The following PLXDC2 variants were observed in gnomAD, a reference collection of about 807,000 sequenced individuals.
PLXDC2 encodes plexin domain-containing protein 2.
In PLXDC2, 40 loss-of-function variants were observed where a neutral mutation model predicts 68.9. The observed-to-expected ratio is 0.58, with a 90% CI of 0.45 to 0.76. PLXDC2 has a LOEUF of 0.76. PLXDC2 is among the 30% of genes least tolerant of loss of function. PLXDC2 has a pLI of 0.00. For missense variants in PLXDC2, 644 were observed against 661.9 expected (o/e 0.97, Z 0.30); for synonymous variants, 243 against 234.2 (o/e 1.04, Z -0.34).
chr10:20,060,950 A>T (rs1487524689), intron 3 of PLXDC2, among the ~76,000 whole-genome samples: 1 of 152,148 alleles, frequency 6.6e-6, no homozygotes, highest in African/African-American at 2.4e-5. Context: ...CTTAGCTCCA[A>T]TGCCTACTGG....
intron 1 of PLXDC2, among the ~76,000 whole-genome samples, chr10:19,977,209 G>GTC (rs1834472024): frequency 6.6e-6 from 1 of 152,170 alleles, no homozygotes; most frequent in Non-Finnish European, 1.5e-5. Flanking sequence ...ATCCAACCAG[G>GTC]TCTTTTTATC....
intron 1 of PLXDC2, among the ~76,000 whole-genome samples, chr10:19,922,474 T>C (rs1833475603): frequency 6.6e-6 from 1 of 152,136 alleles, no homozygotes; most frequent in South Asian, 2.1e-4. Flanking sequence ...GTGTTGGAGG[T>C]GAGGCTTCCT....
At chr10:19,989,942 G>T (rs1025746907) in intron 1 of PLXDC2, among the ~76,000 whole-genome samples, 2 of 151,886 alleles carry the variant, frequency 1.3e-5, no homozygotes, top group African/African-American at 2.4e-5. Flanking sequence ...TAGTGAGGAG[G>T]TTTTGCCATG....
intron 9 of PLXDC2, among the ~76,000 whole-genome samples, chr10:20,186,453 G>A (rs1285821702): frequency 6.6e-6 from 1 of 151,794 alleles, no homozygotes. Context: ...ACACATGCAG[G>A]CTTGTTATAT....
chr10:20,123,365 G>A (rs1412356969), intron 4 of PLXDC2, among the ~76,000 whole-genome samples: 1 of 152,080 alleles, frequency 6.6e-6, no homozygotes, highest in African/African-American at 2.4e-5. Flanking sequence ...AGACTAGAGA[G>A]GGACCGATGT....
intron 4 of PLXDC2, among the ~76,000 whole-genome samples, chr10:20,118,111 CACACACACACACACACACACACACACAG>C (rs1456776664): frequency 3.9e-5 from 1 of 25,890 alleles, no homozygotes; most frequent in Non-Finnish European, 3.1e-4. Flanking sequence ...TGCCTACACA[CACACACACACACACACACACACACACAG>C]ACACACACAC....
In PLXDC2 at chr10:20,286,308, A is replaced by C. The variant is rs1836152068; in HGVS notation, c.*6489A>C. 6.6e-6 allele frequency: 1 copy of C among 152,158 alleles called. No homozygotes were observed. Among genetic ancestry groups the C allele is most frequent in the African/African-American group, 2.4e-5 (1 of 41,444 alleles). 9.4% of individuals were successfully genotyped at this position (152,158 alleles called of 1,614,324 possible). A position where few individuals can be genotyped will look rare whatever the true frequency, so the allele number is the denominator to read the frequency against. On this transcript the variant is annotated 3_prime_UTR_variant, in exon 14 of 14. Coordinates refer to ENST00000377252, the MANE Select transcript of PLXDC2 (RefSeq NM_032812.9). ...CATAAACTAGTACTCAGCTTTTCCT[A>C]GTTTCTAAGGCTTATTAACATTTGC...
intron 1 of PLXDC2, among the ~76,000 whole-genome samples, chr10:19,900,320 T>C (rs890719253): frequency 6.6e-6 from 1 of 152,160 alleles, no homozygotes; most frequent in African/African-American, 2.4e-5. Context: ...GCCACCTCTT[T>C]TAAACAATCA....
At chr10:19,842,024 C>G (rs1836919329) in intron 1 of PLXDC2, among the ~76,000 whole-genome samples, 1 of 152,046 alleles carries the variant, frequency 6.6e-6, no homozygotes, top group South Asian at 2.1e-4. Context: ...GCCTATAATA[C>G]TAGCATTTAG....
intron 1 of PLXDC2, among the ~76,000 whole-genome samples, chr10:19,974,208 A>T (rs777994708): frequency 6.6e-6 from 1 of 152,210 alleles, no homozygotes; most frequent in Non-Finnish European, 1.5e-5. Context: ...TTTAAGTAGG[A>T]TTACTTATGT....
At chr10:19,996,156 T>G (rs1430770071) in intron 1 of PLXDC2, among the ~76,000 whole-genome samples, 6 of 152,096 alleles carry the variant, frequency 3.9e-5, no homozygotes, top group African/African-American at 1.4e-4. Context: ...TAAGACTAGA[T>G]AGGGCTGGGC....
intron 2 of PLXDC2, among the ~76,000 whole-genome samples, chr10:20,042,715 C>G (rs1199490976): frequency 6.6e-6 from 1 of 152,148 alleles, no homozygotes; most frequent in African/African-American, 2.4e-5. Context: ...CACACCCATG[C>G]TAGAAAAGAA....
At chr10:20,152,071 T>A (rs1372696452) in intron 6 of PLXDC2, among the ~76,000 whole-genome samples, 1 of 152,120 alleles carries the variant, frequency 6.6e-6, no homozygotes, top group African/African-American at 2.4e-5. Flanking sequence ...ATCTTAGTAT[T>A]TAAATGTGCC....
At chr10:19,841,185 G>T (rs921079581) in intron 1 of PLXDC2, among the ~76,000 whole-genome samples, 1 of 152,142 alleles carries the variant, frequency 6.6e-6, no homozygotes, top group Non-Finnish European at 1.5e-5. Flanking sequence ...TATTTTCACA[G>T]ATGGAGGCTT....
In PLXDC2 at chr10:20,250,161, G is replaced by A. The variant is rs181750007; in HGVS notation, c.1473+4656G>A. On this transcript the variant is annotated intron_variant, in intron 13 of 13. Transcript: ENST00000377252. ...TACGTGCCTGTAATCCCAGGTACTC[G>A]GGAGGCTGAGGCAGGAAAATCATTT... is the stretch of plus-strand genomic sequence containing the variant. 4.5e-3 allele frequency among the ~76,000 whole-genome samples: 688 copies of A among 151,734 alleles called. 2 individuals carry two copies. The highest frequency in any genetic ancestry group is 0.01 in the Middle Eastern group (3 of 294).
chr10:19,895,687 C>A (rs1838045069), intron 1 of PLXDC2, among the ~76,000 whole-genome samples: 1 of 152,134 alleles, frequency 6.6e-6, no homozygotes, highest in Non-Finnish European at 1.5e-5. Context: ...CAGCTCAGTT[C>A]TGAAATTCCC....
intron 13 of PLXDC2, among the ~76,000 whole-genome samples, chr10:20,276,552 G>A (rs150190959): frequency 6.6e-6 from 1 of 152,138 alleles, no homozygotes; most frequent in African/African-American, 2.4e-5. Context: ...CCCACACACT[G>A]CACCCAGTAA....
chr10:20,112,994 T>C (rs1833577883), intron 4 of PLXDC2, among the ~76,000 whole-genome samples: 1 of 152,240 alleles, frequency 6.6e-6, no homozygotes, highest in South Asian at 2.1e-4. Context: ...TGTGTGTTCA[T>C]GCATCTTCAT....
At chr10:20,071,612 C>G (rs989630215) in intron 4 of PLXDC2, among the ~76,000 whole-genome samples, 1 of 152,146 alleles carries the variant, frequency 6.6e-6, no homozygotes, top group Non-Finnish European at 1.5e-5. Flanking sequence ...TGAGGCCTCC[C>G]CAGCCATGTA....
Sources: allele counts gnomAD v4.1 joint callset (sites outside exome capture counted in the v4.1 genomes callset), GRCh38; gene constraint gnomAD v4.1.1; transcripts MANE v1.5; gene names NCBI Gene and HGNC (gene_info 2026-07-23, HGNC 2026-07-21).